TAFA2: variants seen among roughly 807,000 people sequenced by gnomAD.
TAFA2 encodes the protein chemokine-like protein TAFA-2.
Under a neutral mutation model 18.8 loss-of-function variants are expected in TAFA2, and 7 were observed. That is an observed-to-expected ratio of 0.37 (90% CI 0.21 to 0.70). The LOEUF is 0.70. Among genes scored for constraint, TAFA2 ranks in the 30% least tolerant of loss-of-function variants. The pLI is 0.53. For missense variants in TAFA2, 122 were observed against 158.1 expected (o/e 0.77, Z 1.23); for synonymous variants, 60 against 54.2 (o/e 1.11, Z -0.47).
chr12:62,257,160 A>ATG (rs1369986100), intron 1 of TAFA2, among the ~76,000 whole-genome samples: 1 of 2,266 alleles, frequency 4.4e-4, no homozygotes, highest in African/African-American at 2.3e-3. Context: ...ATATACATAT[A>ATG]TATGTGTGTG....
chr12:61,811,448 G>A (rs932650983), intron 2 of TAFA2, among the ~76,000 whole-genome samples: 3 of 151,386 alleles, frequency 2.0e-5, no homozygotes, highest in East Asian at 1.9e-4. Context: ...GTAAGTTCAC[G>A]GTTCATTAAA....
chr12:62,191,015 C>G (rs2062619057), intron 1 of TAFA2, among the ~76,000 whole-genome samples: 1 of 152,090 alleles, frequency 6.6e-6, no homozygotes, highest in South Asian at 2.1e-4. Context: ...TTCGCATGCT[C>G]CGATCCCCTC....
chr12:61,948,810 G>A (rs748448590), intron 1 of TAFA2, among the ~76,000 whole-genome samples: 27 of 152,116 alleles, frequency 1.8e-4, no homozygotes, highest in African/African-American at 5.6e-4. Flanking sequence ...ACACCTCAGC[G>A]TCTTAGCTCT....
chr12:62,217,861 CA>C (rs1307345999), intron 1 of TAFA2, among the ~76,000 whole-genome samples: 1 of 152,090 alleles, frequency 6.6e-6, no homozygotes, highest in Non-Finnish European at 1.5e-5. Context: ...GGGTACTTAC[CA>C]AAATGCTATT....
chr12:61,999,815 A>G (rs1315422192), intron 1 of TAFA2, among the ~76,000 whole-genome samples: 2 of 152,212 alleles, frequency 1.3e-5, no homozygotes, highest in Non-Finnish European at 2.9e-5. Context: ...TCCTCTTACC[A>G]GAAAAGTAGA....
intron 2 of TAFA2, among the ~76,000 whole-genome samples, chr12:61,849,036 G>GT (rs1050015078): frequency 2.6e-5 from 4 of 151,962 alleles, no homozygotes; most frequent in African/African-American, 9.7e-5. Flanking sequence ...TAGAGACAGG[G>GT]TTTCACCATG....
At chr12:62,112,604 C>A (rs541656530) in intron 1 of TAFA2, among the ~76,000 whole-genome samples, 4 of 152,264 alleles carry the variant, frequency 2.6e-5, no homozygotes, top group Admixed American at 2.6e-4. Flanking sequence ...TTCTCCCAGT[C>A]ACTTTTAGGT....
intron 1 of TAFA2, among the ~76,000 whole-genome samples, chr12:62,042,612 G>A (rs1347706655): frequency 3.9e-5 from 6 of 151,988 alleles, no homozygotes; most frequent in African/African-American, 1.5e-4. Flanking sequence ...TATCTACCTA[G>A]AATCCTAAGT....
At chr12:62,134,693 G>T (rs1870826800) in intron 1 of TAFA2, among the ~76,000 whole-genome samples, 1 of 152,006 alleles carries the variant, frequency 6.6e-6, no homozygotes, top group Non-Finnish European at 1.5e-5. Context: ...ATCCATGAAG[G>T]CAGGGAGCAC....
intron 4 of TAFA2, among the ~76,000 whole-genome samples, chr12:61,724,747 G>A (rs1185813669): frequency 8.1e-6 from 1 of 124,146 alleles, no homozygotes; most frequent in African/African-American, 3.0e-5. Context: ...TCCATGGTAT[G>A]TCTATGTGTG....
chr12:62,063,855 GACAC>G (rs3031045), intron 1 of TAFA2, among the ~76,000 whole-genome samples: 37 of 147,992 alleles, frequency 2.5e-4, no homozygotes, highest in African/African-American at 7.0e-4. Context: ...AGGGTGGCTG[GACAC>G]ACACACACAC....
chr12:62,024,950 G>GA (rs1881266048), intron 1 of TAFA2, among the ~76,000 whole-genome samples: 1 of 152,014 alleles, frequency 6.6e-6, no homozygotes, highest in African/African-American at 2.4e-5. Flanking sequence ...AGAAAGTCAA[G>GA]AAAAAGAATG....
At chr12:61,800,781 A>G (rs968703442) in intron 2 of TAFA2, among the ~76,000 whole-genome samples, 1 of 152,196 alleles carries the variant, frequency 6.6e-6, no homozygotes, top group African/African-American at 2.4e-5. Flanking sequence ...AGGAGAAGAT[A>G]GAAGGTAGAC....
intron 1 of TAFA2, among the ~76,000 whole-genome samples, chr12:62,036,790 G>A (rs1881623703): frequency 1.3e-5 from 2 of 152,172 alleles, no homozygotes; most frequent in Non-Finnish European, 2.9e-5. Context: ...AATACTGAAA[G>A]AGAAGTTGCA....
At chr12:62,038,498 T>C (rs1881671234) in intron 1 of TAFA2, among the ~76,000 whole-genome samples, 1 of 152,146 alleles carries the variant, frequency 6.6e-6, no homozygotes, top group African/African-American at 2.4e-5. Flanking sequence ...TTATAAGTAA[T>C]CTAGTGATCA....
chr12:61,969,471 CT>C (rs1448716406), intron 1 of TAFA2, among the ~76,000 whole-genome samples: 2 of 151,458 alleles, frequency 1.3e-5, no homozygotes, highest in African/African-American at 4.8e-5. Context: ...AATATACAGC[CT>C]GAAAAAATAA....
chr12:61,867,380 T>C lies in TAFA2; in HGVS notation c.46A>G (p.Ile16Val). ...LQKATKGKLL[I>V]IIFIVTLWGK... ...CACAAGGTTACAATAAATATTATTA[T>C]TAGCAGTTTTCCTTTTGTTGCTTTC... The change falls in exon 2 of 5, where the codon ATA becomes GTA. Residue 16 changes from isoleucine (I) to valine (V), a missense_variant. This residue lies in a region of TAFA2 where 62 missense variants were observed against 55.5 expected (regional missense o/e 1.12). Coordinates refer to ENST00000416284, the MANE Select transcript of TAFA2 (RefSeq NM_178539.5). The C allele has an allele frequency of 6.2e-7, 1 of 1,609,628 alleles. No homozygotes were observed. Among genetic ancestry groups the C allele is most frequent in the Middle Eastern group, 1.7e-4 (1 of 6,054 alleles).
intron 1 of TAFA2, among the ~76,000 whole-genome samples, chr12:62,151,603 T>G (rs867982321): frequency 1.3e-5 from 2 of 152,236 alleles, no homozygotes; most frequent in African/African-American, 4.8e-5. Context: ...TGCAAATATA[T>G]AGTGGCATAG....
intron 4 of TAFA2, among the ~76,000 whole-genome samples, chr12:61,726,739 T>C (rs1030022546): frequency 2.3e-4 from 35 of 152,104 alleles, no homozygotes; most frequent in African/African-American, 8.4e-4. Flanking sequence ...TTTTCTTATC[T>C]GATTGCTCTG....
Sources: gnomAD v4.1 joint callset for allele counts (sites outside exome capture counted in the v4.1 genomes callset) on GRCh38, gnomAD v4.1.1 for gene constraint, gnomAD v4.1.1 regional missense constraint, MANE v1.5 for transcripts, NCBI Gene and HGNC (gene_info 2026-07-23, HGNC 2026-07-21) for gene names.